Variants in PHLDB1 observed in about 807,000 individuals in gnomAD.
The protein encoded by PHLDB1 is pleckstrin homology like domain family B member 1.
A neutral mutation model predicts 139.3 loss-of-function variants in PHLDB1; 65 were observed. That is an observed-to-expected ratio of 0.47 (90% confidence interval 0.38 to 0.57). The LOEUF (loss-of-function observed/expected upper bound fraction) is 0.57. Among genes scored for constraint, PHLDB1 ranks in the 20% least tolerant of loss-of-function variants. The probability of loss-of-function intolerance (pLI) is 0.00; values close to 1 mark genes in which losing one functional copy is unlikely to be tolerated. For missense variants in PHLDB1, 1,624 were observed against 1,839.7 expected, an observed-to-expected ratio of 0.88 and a Z score of 2.14; for synonymous variants, 679 against 734.5, an observed-to-expected ratio of 0.92 and a Z score of 1.22.
At chr11:118,625,703 T>C (rs1480461617) in intron 5 of PHLDB1, among the ~76,000 whole-genome samples, 1 of 152,146 alleles carries the variant, frequency 6.6e-6, no homozygotes, top group East Asian at 1.9e-4. Context: ...CTGGGACAGA[T>C]GGACATGGAT....
At chr11:118,607,965 C>T (rs1487753954) in intron 1 of PHLDB1, among the ~76,000 whole-genome samples, 1 of 151,998 alleles carries the variant, frequency 6.6e-6, no homozygotes, top group Non-Finnish European at 1.5e-5. Context: ...GTGACGCTCT[C>T]CCCCCCTTGG....
At chr11:118,615,800 T>C (rs1427505054) in intron 3 of PHLDB1, among the ~76,000 whole-genome samples, 1 of 152,238 alleles carries the variant, frequency 6.6e-6, no homozygotes, top group Admixed American at 6.5e-5. Flanking sequence ...TACTGTGTGC[T>C]GTCTGGGTCT....
chr11:118,628,051 C>T lies in PHLDB1; in HGVS notation c.1228C>T (p.Pro410Ser), dbSNP rs782369213. The T allele has an allele frequency of 1.2e-6, 2 of 1,614,018 alleles. No homozygotes were observed. The highest frequency in any genetic ancestry group is 1.7e-6 in the Non-Finnish European group (2 of 1,180,026). The change falls in exon 6 of 23, where the codon CCA (proline) becomes TCA (serine). Residue 410 changes from proline (P) to serine (S), a missense_variant. Transcript: ENST00000600882. ...CCCTCCCAGCCCTTTCCGTGAGCCTCCAGGCAGTGAGCGGGTGCTAACAAC... is the reference window on the plus strand; with the variant it reads ...CCCTCCCAGCCCTTTCCGTGAGCCTTCAGGCAGTGAGCGGGTGCTAACAAC... ...DRPPSPFREP[P>S]GSERVLTTSP...
At chr11:118,643,304 C>T (rs613243) in intron 13 of PHLDB1, among the ~76,000 whole-genome samples, 8 of 151,980 alleles carry the variant, frequency 5.3e-5, no homozygotes, top group Non-Finnish European at 7.4e-5. Context: ...GCTTATGCCA[C>T]GTCAGGGTTT....
chr11:118,635,919 A>G (rs1184454641), intron 10 of PHLDB1, among the ~76,000 whole-genome samples: 1 of 152,198 alleles, frequency 6.6e-6, no homozygotes, highest in African/African-American at 2.4e-5. Flanking sequence ...GGACACACAG[A>G]AAGATTTGAG....
In PHLDB1 at chr11:118,650,251, G is replaced by A. The variant is rs1948159560; in HGVS notation, c.3771+58G>A. The A allele has an allele frequency of 2.3e-6, 3 of 1,317,690 alleles. No individual in the cohort carries two copies. Among genetic ancestry groups the A allele is most frequent in the Non-Finnish European group, 1.1e-6 (1 of 910,370 alleles). 81.6% of individuals were successfully genotyped at this position (1,317,690 alleles called of 1,614,324 possible). ...GAGAGGGAGAATCCCGTGGTGAGAG[G>A]CACCTCCTGGGTCGTTGGAATAGTG... On this transcript the variant is annotated intron_variant, in intron 19 of 22. Transcript: ENST00000600882. The surrounding 1 kb of genome is among the most constrained non-coding windows in gnomAD (Gnocchi z 4.7).
At chr11:118,612,706 C>A (rs999813962) in intron 1 of PHLDB1, among the ~76,000 whole-genome samples, 1 of 152,258 alleles carries the variant, frequency 6.6e-6, no homozygotes. Context: ...TCGGGACCCA[C>A]TGCCAGGGTC....
In PHLDB1 at chr11:118,639,287, A is replaced by G. The variant is rs1395078852; in HGVS notation, c.2736+36A>G. 4 of 1,517,176 alleles carry G rather than the reference A, an allele frequency of 2.6e-6. No individual in the cohort carries two copies. In the Admixed American group the frequency reaches 5.0e-5, roughly 19 times the overall value. 94.0% of individuals were successfully genotyped at this position (1,517,176 alleles called of 1,614,324 possible). A position where few individuals can be genotyped will look rare whatever the true frequency, so the allele number is the denominator to read the frequency against. Reference sequence around the variant, plus strand: ...TGGATTAGCCCCAGCTTCAGGCCCAAGGCGTGTCCTGGGAGGCTCTGAGTA... The same window carrying G: ...TGGATTAGCCCCAGCTTCAGGCCCAGGGCGTGTCCTGGGAGGCTCTGAGTA... On this transcript the variant is annotated intron_variant, in intron 12 of 22. Coordinates refer to ENST00000600882, the MANE Select transcript of PHLDB1 (RefSeq NM_001144758.3).
chr11:118,655,920 G>A (rs781838498), intron 22 of PHLDB1, 28 bp downstream of exon 22: 3 of 1,565,840 alleles, frequency 1.9e-6, no homozygotes, highest in South Asian at 2.2e-5. Context: ...GCTGTAACCA[G>A]CACATTAACA....
intron 12 of PHLDB1, chr11:118,640,165 C>T (rs997672032): frequency 5.7e-6 from 1 of 175,740 alleles, no homozygotes; most frequent in African/African-American, 2.4e-5. Flanking sequence ...TGCCATGCCG[C>T]CATTCCATAG....
chr11:118,631,397 AAC>A lies in PHLDB1; in HGVS notation c.2019_2020del (p.Arg674ProfsTer10). The A allele has an allele frequency of 6.7e-7, 1 of 1,502,920 alleles. No individual in the cohort carries two copies. Among genetic ancestry groups the A allele is most frequent in the Non-Finnish European group, 8.9e-7 (1 of 1,126,804 alleles). 93.1% of individuals were successfully genotyped at this position (1,502,920 alleles called of 1,614,324 possible). On this transcript the variant is annotated frameshift_variant, in exon 7 of 23. Transcript: ENST00000600882. LOFTEE classifies it high-confidence loss of function. Reference sequence around the variant, plus strand: ...AGCGAGGAGCCTGGCGTTGCCACCCAACGCCTATGGGAGAGTATGGAGCGCTC... The same window carrying A: ...AGCGAGGAGCCTGGCGTTGCCACCCAGCCTATGGGAGAGTATGGAGCGCTC...
chr11:118,653,952 T>G (rs1342533985), intron 20 of PHLDB1: 2 of 152,120 alleles, frequency 1.3e-5, no homozygotes, highest in Non-Finnish European at 2.9e-5. Flanking sequence ...ATACAGGGTG[T>G]ATTATTAAGG....
At chr11:118,652,867 C>G (rs1948538976) in intron 20 of PHLDB1, 1 of 152,318 alleles carries the variant, frequency 6.6e-6, no homozygotes, top group Admixed American at 6.5e-5. Flanking sequence ...GCCTGTGGAA[C>G]AAAAGGAGAC....
chr11:118,655,766 G>C (rs1948960898), intron 21 of PHLDB1, 76 bp downstream of exon 21: 1 of 1,485,408 alleles, frequency 6.7e-7, no homozygotes, highest in Non-Finnish European at 9.4e-7. Context: ...GGCTCTGGGA[G>C]CAAAGGCCTC....
At chr11:118,639,301 A>C in intron 12 of PHLDB1, 50 bp downstream of exon 12, 1 of 1,393,544 alleles carries the variant, frequency 7.2e-7, no homozygotes, top group Non-Finnish European at 1.0e-6. Context: ...GTGTCCTGGG[A>C]GGCTCTGAGT....
intron 9 of PHLDB1, 175 bp from the exon 10 acceptor site, chr11:118,635,218 C>T: frequency 1.4e-6 from 1 of 739,482 alleles, no homozygotes; most frequent in South Asian, 1.8e-5. Context: ...GCGCTCCAGG[C>T]CATGATGCCC....
chr11:118,616,475 G>A (rs1477694124), intron 4 of PHLDB1, among the ~76,000 whole-genome samples: 2 of 152,054 alleles, frequency 1.3e-5, no homozygotes, highest in African/African-American at 4.8e-5. Flanking sequence ...TCTGATTCCC[G>A]CCATCAGAGG....
In PHLDB1 at chr11:118,642,208, A is replaced by G. The variant is rs576256062; in HGVS notation, c.2737-46A>G. Reference sequence around the variant, plus strand: ...CTTTATTTCCTGGCCTTTCCTCTCCATCCTCCCCTCCTGTCCCCTTTTCCC... The same window carrying G: ...CTTTATTTCCTGGCCTTTCCTCTCCGTCCTCCCCTCCTGTCCCCTTTTCCC... On this transcript the variant is annotated intron_variant, in intron 12 of 22. Transcript: ENST00000600882. 9.5e-6 allele frequency: 15 copies of G among 1,570,934 alleles called. No homozygotes were observed. In the Admixed American group the frequency reaches 2.5e-4, roughly 27 times the overall value.
intron 12 of PHLDB1, chr11:118,640,162 C>T (rs144998129): frequency 2.8e-5 from 5 of 179,510 alleles, no homozygotes; most frequent in Non-Finnish European, 5.4e-5. Flanking sequence ...GCATGCCATG[C>T]CGCCATTCCA....
Sources: allele counts gnomAD v4.1 joint callset (sites outside exome capture counted in the v4.1 genomes callset), GRCh38; gene constraint gnomAD v4.1.1; non-coding constraint Gnocchi (gnomAD v3.1); transcripts MANE v1.5; gene names NCBI Gene and HGNC (gene_info 2026-07-23, HGNC 2026-07-21).